GALNT18: variants seen among roughly 807,000 people sequenced by gnomAD.
GALNT18 encodes polypeptide N-acetylgalactosaminyltransferase 18.
Under a neutral mutation model 69.5 loss-of-function variants are expected in GALNT18, and 44 were observed. The ratio of observed to expected loss-of-function variants is 0.63; its 90% confidence interval spans 0.50 to 0.81. GALNT18 has a LOEUF of 0.81. Ranked by LOEUF, GALNT18 falls within the 40% of genes least tolerant of loss-of-function variation. The pLI, the probability that GALNT18 is intolerant of heterozygous loss-of-function variation, is 0.00. For missense variants in GALNT18, 715 were observed against 810.0 expected (o/e 0.88, Z 1.42); for synonymous variants, 364 against 318.2 (o/e 1.14, Z -1.53).
intron 10 of GALNT18, among the ~76,000 whole-genome samples, chr11:11,281,111 A>C (rs1393326660): frequency 6.6e-6 from 1 of 152,182 alleles, no homozygotes; most frequent in Non-Finnish European, 1.5e-5. Flanking sequence ...CTTCCCCACC[A>C]TGCTGGGAGC....
At chr11:11,612,113 AC>A (rs1283062857) in intron 1 of GALNT18, among the ~76,000 whole-genome samples, 1 of 152,016 alleles carries the variant, frequency 6.6e-6, no homozygotes, top group African/African-American at 2.4e-5. Flanking sequence ...TGGCTCTACC[AC>A]CCATCAGCCC....
At chr11:11,327,043 T>A in intron 9 of GALNT18, 43 bp downstream of exon 9, 3 of 1,380,326 alleles carry the variant, frequency 2.2e-6, no homozygotes, top group Non-Finnish European at 3.1e-6. Context: ...TGCCAGGCAC[T>A]CATATGCACA....
Position 11,480,347 on chromosome 11 carries a change from G to A in GALNT18, c.236-31411C>T, listed in dbSNP as rs2133868069. Reference sequence around the variant, plus strand: ...TCAGTCTCTGTTATTTGTTCTTTTGGGGCATCTCATTCTGAGTTCTACTCT... The same window carrying A: ...TCAGTCTCTGTTATTTGTTCTTTTGAGGCATCTCATTCTGAGTTCTACTCT... On this transcript the variant is annotated intron_variant, in intron 1 of 10. Transcript: ENST00000227756. This position sits in a 1 kb window ranked among gnomAD's most constrained non-coding sequence, Gnocchi z 4.6. Among the ~76,000 whole-genome samples the A allele has an allele frequency of 6.6e-6, 1 of 151,654 alleles. No homozygotes were observed. The highest frequency in any genetic ancestry group is 1.9e-4 in the East Asian group (1 of 5,152).
Position 11,613,938 on chromosome 11 carries a change from G to T in GALNT18, c.235+7421C>A, listed in dbSNP as rs138468786. ...TTACATTTATCACTCACATTCAGCC[G>T]GGTTTTCCCTCCAGGAACTTTCTGT... On this transcript the variant is annotated intron_variant, in intron 1 of 10. Transcript: ENST00000227756. This position sits in a 1 kb window ranked among gnomAD's most constrained non-coding sequence, Gnocchi z 4.2. 6.6e-6 allele frequency among the ~76,000 whole-genome samples: 1 copy of T among 152,096 alleles called. No individual in the cohort carries two copies. Among genetic ancestry groups the T allele is most frequent in the African/African-American group, 2.4e-5 (1 of 41,410 alleles).
chr11:11,450,270 C>T lies in GALNT18; in HGVS notation c.236-1334G>A, dbSNP rs193171114. 2.6e-5 allele frequency among the ~76,000 whole-genome samples: 4 copies of T among 152,308 alleles called. No homozygotes were observed. The East Asian group carries it at 7.7e-4, about 29-fold the overall frequency. On this transcript the variant is annotated intron_variant, in intron 1 of 10. Coordinates refer to ENST00000227756, the MANE Select transcript of GALNT18 (RefSeq NM_198516.3). The stretch of plus-strand genomic sequence containing the variant: ...TGGAGTCAATGGGTGTATGACACAC[C>T]TAGGTACAGGCTGGAGATGAGTAAG...
intron 6 of GALNT18, among the ~76,000 whole-genome samples, chr11:11,349,957 T>C (rs1457587714): frequency 6.6e-6 from 1 of 152,144 alleles, no homozygotes; most frequent in African/African-American, 2.4e-5. Context: ...ATGCTTTTTC[T>C]TGGAAGGTGT....
chr11:11,570,327 C>CT (rs935876632), intron 1 of GALNT18: 4 of 152,598 alleles, frequency 2.6e-5, no homozygotes, highest in Admixed American at 1.3e-4. Context: ...TGTCTCCTCC[C>CT]TTCTTAGACG....
chr11:11,544,236 A>C (rs1219812762), intron 1 of GALNT18, among the ~76,000 whole-genome samples: 1 of 152,186 alleles, frequency 6.6e-6, no homozygotes, highest in Non-Finnish European at 1.5e-5. Flanking sequence ...AGGGGACCCA[A>C]CCTTCAGTAC....
At chr11:11,481,430 G>A (rs1442765793) in intron 1 of GALNT18, among the ~76,000 whole-genome samples, 1 of 152,200 alleles carries the variant, frequency 6.6e-6, no homozygotes, top group African/African-American at 2.4e-5. Flanking sequence ...GGAAGGCAGC[G>A]AGTAAAGGTG....
intron 6 of GALNT18, among the ~76,000 whole-genome samples, chr11:11,349,237 G>A (rs111362905): frequency 1.3e-5 from 2 of 152,032 alleles, no homozygotes; most frequent in Non-Finnish European, 2.9e-5. Flanking sequence ...CCGGTATTAC[G>A]GATGGTGCTC....
rs1853812346 is a variant in GALNT18 at position 11,377,891 on chromosome 11, C to T, written c.780-512G>A. Among the ~76,000 whole-genome samples the T allele has an allele frequency of 6.6e-6, 1 of 152,130 alleles. No homozygotes were observed. Among genetic ancestry groups the T allele is most frequent in the Non-Finnish European group, 1.5e-5 (1 of 68,028 alleles). ...GGAATGCCAGCTGTGCCACATCCAC[C>T]CCCCAAAGCGTTTCCCAACCACCCA... is the stretch of plus-strand genomic sequence containing the variant. On this transcript the variant is annotated intron_variant, in intron 4 of 10. Transcript: ENST00000227756. The surrounding 1 kb of genome is among the most constrained non-coding windows in gnomAD (Gnocchi z 4.6).
Position 11,586,837 on chromosome 11 carries a change from A to C in GALNT18, c.235+34522T>G, listed in dbSNP as rs12362106. On this transcript the variant is annotated intron_variant, in intron 1 of 10. Transcript: ENST00000227756. This position sits in a 1 kb window ranked among gnomAD's most constrained non-coding sequence, Gnocchi z 4.1. ...AAAAACACACACACACACACACAAA[A>C]AAAAGCCAGGTGTGGTGGCGGGCGT... Among the ~76,000 whole-genome samples, 69,258 of 150,680 alleles carry C rather than the reference A, an allele frequency of 0.46. 18,160 individuals carry two copies. The highest frequency in any genetic ancestry group is 0.66 in the East Asian group (3,359 of 5,126).
chr11:11,352,595 G>C (rs1850435823), intron 6 of GALNT18: 1 of 1,614,162 alleles, frequency 6.2e-7, no homozygotes, highest in African/African-American at 1.3e-5. Flanking sequence ...CCAAACCCCA[G>C]TCTATTAGTC....
rs1294774857 is a variant in GALNT18, at chr11:11,602,687, T to C, written c.235+18672A>G. On this transcript the variant is annotated intron_variant, in intron 1 of 10. Coordinates refer to ENST00000227756, the MANE Select transcript of GALNT18 (RefSeq NM_198516.3). The surrounding 1 kb of genome is among the most constrained non-coding windows in gnomAD (Gnocchi z 4.7). The stretch of plus-strand genomic sequence containing the variant: ...AATAATTTTTACCAGTTATGTTGTT[T>C]CACTGGGCAAAGGACCCACAGAGCT... Among the ~76,000 whole-genome samples the C allele has an allele frequency of 6.6e-6, 1 of 152,210 alleles. No homozygotes were observed. The highest frequency in any genetic ancestry group is 1.5e-5 in the Non-Finnish European group (1 of 68,028).
intron 1 of GALNT18, among the ~76,000 whole-genome samples, chr11:11,568,976 A>C (rs936876681): frequency 2.6e-5 from 4 of 152,216 alleles, no homozygotes; most frequent in Admixed American, 2.0e-4. Context: ...AGCTAAATGC[A>C]TTTCAAAATC....
intron 1 of GALNT18, among the ~76,000 whole-genome samples, chr11:11,512,500 G>A (rs753337592): frequency 8.5e-5 from 13 of 152,220 alleles, no homozygotes; most frequent in Non-Finnish European, 1.6e-4. Context: ...GGAACAAGAT[G>A]TGAAAGGGGG....
intron 1 of GALNT18, among the ~76,000 whole-genome samples, chr11:11,460,386 A>G (rs1309968392): frequency 6.6e-6 from 1 of 152,222 alleles, no homozygotes; most frequent in Non-Finnish European, 1.5e-5. Flanking sequence ...AGAGCCTACC[A>G]TGTCCAACAC....
Position 11,340,318 on chromosome 11 carries a change from G to T in GALNT18, c.1278+501C>A, listed in dbSNP as rs988613938. 1.6e-5 allele frequency among the ~76,000 whole-genome samples: 1 copy of T among 63,990 alleles called. No individual in the cohort carries two copies. Among genetic ancestry groups the T allele is most frequent in the African/African-American group, 8.6e-5 (1 of 11,564 alleles). 42.0% of individuals were successfully genotyped at this position (63,990 alleles called of 152,430 possible). A position where few individuals can be genotyped will look rare whatever the true frequency, so the allele number is the denominator to read the frequency against. On this transcript the variant is annotated intron_variant, in intron 7 of 10. Coordinates refer to ENST00000227756, the MANE Select transcript of GALNT18 (RefSeq NM_198516.3). This position sits in a 1 kb window ranked among gnomAD's most constrained non-coding sequence, Gnocchi z 4.2. The stretch of plus-strand genomic sequence containing the variant: ...CATCTCCTAGTGAAGGTCCCTGTAG[G>T]TGTGCCCCCATCCCCATACACGTGG...
chr11:11,361,123 A>G (rs962100355), intron 6 of GALNT18, among the ~76,000 whole-genome samples: 3 of 152,234 alleles, frequency 2.0e-5, no homozygotes, highest in African/African-American at 7.2e-5. Flanking sequence ...ATTCATCTCC[A>G]ATTTCCCAGC....
Sources: gnomAD v4.1 joint callset for allele counts (sites outside exome capture counted in the v4.1 genomes callset) on GRCh38, gnomAD v4.1.1 for gene constraint, Gnocchi (gnomAD v3.1) non-coding constraint, MANE v1.5 for transcripts, NCBI Gene and HGNC (gene_info 2026-07-23, HGNC 2026-07-21) for gene names.